Variants in PCNX2 observed in about 807,000 individuals in gnomAD.
The protein encoded by PCNX2 is pecanex 2.
PCNX2 carries 168 observed loss-of-function variants against 223.8 expected under a neutral mutation model. That is an observed-to-expected ratio of 0.75 (90% CI 0.66 to 0.85). The LOEUF is 0.85. Ranked by LOEUF, PCNX2 falls within the 40% of genes least tolerant of loss-of-function variation. PCNX2 has a pLI of 0.00. For synonymous variants in PCNX2, 1,006 were observed against 1,052.6 expected (o/e 0.96, Z 0.86); for missense variants, 2,507 against 2,675.5 (o/e 0.94, Z 1.39).
the PCNX2 span, among the ~76,000 whole-genome samples, chr1:233,306,114 C>T: frequency 2.0e-5 from 3 of 152,074 alleles, no homozygotes; most frequent in African/African-American, 7.2e-5. Flanking sequence ...TTTATTTGTA[C>T]TAATATCAGA....
At chr1:233,032,038 A>G (rs1172616227) in intron 25 of PCNX2, 1 of 982,592 alleles carries the variant, frequency 1.0e-6, no homozygotes, top group East Asian at 1.1e-4. Flanking sequence ...CTGTACATTA[A>G]TAATATAATT....
Position 233,139,896 on chromosome 1 carries a change from A to G in PCNX2, c.3518-41T>C. 1 of 1,593,006 alleles carries G rather than the reference A, an allele frequency of 6.3e-7. No homozygotes were observed. Among genetic ancestry groups the G allele is most frequent in the Non-Finnish European group, 8.5e-7 (1 of 1,170,890 alleles). ...AAACCACTTAGAACAACCACCGATC[A>G]AAGTATTTTTCTTTAAGTACAGGTA... On this transcript the variant is annotated intron_variant, in intron 19 of 33. Coordinates refer to ENST00000258229, the MANE Select transcript of PCNX2 (RefSeq NM_014801.4). The surrounding 1 kb of genome is among the most constrained non-coding windows in gnomAD (Gnocchi z 4.4).
In PCNX2 at chr1:233,135,175, C is replaced by T. The variant is rs762650009; in HGVS notation, c.3675G>A (p.Leu1225=). ...RRLGTHWDIF[L]MIIAGMKLLR... ...ACAGCTTCATGCCAGCAATGATCAT[C>T]AGAAAAATGTCCCAGCTGTTGGAAA... Residue 1225 remains leucine (L), a synonymous_variant, in exon 21 of 34, where the codon CTG becomes CTA. Transcript: ENST00000258229. The T allele has an allele frequency of 6.2e-7, 1 of 1,613,282 alleles. No homozygotes were observed. The highest frequency in any genetic ancestry group is 8.5e-7 in the Non-Finnish European group (1 of 1,179,644).
chr1:233,042,783 G>GAA lies in PCNX2; in HGVS notation c.4351+11483_4351+11484dup, dbSNP rs528254338. 5.0e-3 allele frequency among the ~76,000 whole-genome samples: 754 copies of GAA among 152,218 alleles called. 2 individuals are homozygous for GAA. Among genetic ancestry groups the GAA allele is most frequent in the Non-Finnish European group, 8.4e-3 (571 of 68,000 alleles). Reference sequence around the variant, plus strand: ...TAGAAAGTGAGGAGTTTTCCTAAGTGAAAAAAGATATGGAGTTTTCAAGGG... The same window carrying GAA: ...TAGAAAGTGAGGAGTTTTCCTAAGTGAAAAAAAAGATATGGAGTTTTCAAGGG... On this transcript the variant is annotated intron_variant, in intron 25 of 33. Coordinates refer to ENST00000258229, the MANE Select transcript of PCNX2 (RefSeq NM_014801.4).
intron 13 of PCNX2, among the ~76,000 whole-genome samples, chr1:233,205,352 T>C (rs1366668486): frequency 6.6e-6 from 1 of 152,212 alleles, no homozygotes; most frequent in African/African-American, 2.4e-5. Flanking sequence ...GACTTATGAA[T>C]GGGAAGTATT....
intron 8 of PCNX2, among the ~76,000 whole-genome samples, chr1:233,238,012 T>A (rs973665036): frequency 6.6e-5 from 10 of 152,204 alleles, no homozygotes; most frequent in African/African-American, 2.4e-4. Flanking sequence ...GATTCGTGAA[T>A]AATAAATACT....
intron 21 of PCNX2, among the ~76,000 whole-genome samples, chr1:233,115,947 A>C (rs1675383024): frequency 6.6e-6 from 1 of 152,198 alleles, no homozygotes; most frequent in Non-Finnish European, 1.5e-5. Flanking sequence ...AAGTATGAGA[A>C]AATGTGTATT....
intron 8 of PCNX2, among the ~76,000 whole-genome samples, chr1:233,244,282 C>T (rs977081402): frequency 1.3e-5 from 2 of 152,072 alleles, no homozygotes; most frequent in Admixed American, 6.5e-5. Flanking sequence ...CAGATAAGTC[C>T]GAGACAAAAC....
chr1:233,033,317 T>G (rs1396305394), intron 25 of PCNX2: 2 of 533,732 alleles, frequency 3.7e-6, no homozygotes, highest in Non-Finnish European at 4.8e-6. Flanking sequence ...GAAATTTAAG[T>G]GCAAATGAGA....
chr1:233,048,823 G>T (rs67899893), intron 25 of PCNX2, among the ~76,000 whole-genome samples: 29,224 of 151,986 alleles, frequency 0.19, 3,753 homozygotes, highest in African/African-American at 0.37. Context: ...TGACAAAGAT[G>T]ACATTACAAT....
chr1:233,302,031 G>A, the PCNX2 span, among the ~76,000 whole-genome samples: 1 of 151,902 alleles, frequency 6.6e-6, no homozygotes, highest in Non-Finnish European at 1.5e-5. Flanking sequence ...CCTGACCTCG[G>A]GTAATGCCCC....
chr1:233,305,472 GT>G, the PCNX2 span, among the ~76,000 whole-genome samples: 5 of 152,048 alleles, frequency 3.3e-5, no homozygotes, highest in East Asian at 5.8e-4. Context: ...TTGTGACAGG[GT>G]CTCACTCCAT....
intron 23 of PCNX2, among the ~76,000 whole-genome samples, chr1:233,080,376 T>A (rs1480290621): frequency 6.7e-6 from 1 of 149,380 alleles, no homozygotes; most frequent in Non-Finnish European, 1.5e-5. Flanking sequence ...AACAAGTCAT[T>A]TTCATCCATA....
rs565152023 is a variant in PCNX2 at position 233,265,432 on chromosome 1, A to C, written c.154-2269T>G. Among the ~76,000 whole-genome samples the C allele has an allele frequency of 9.7e-4, 148 of 152,234 alleles. 1 individual carries two copies. The highest frequency in any genetic ancestry group is 3.3e-3 in the African/African-American group (139 of 41,548). On this transcript the variant is annotated intron_variant, in intron 1 of 33. Coordinates refer to ENST00000258229, the MANE Select transcript of PCNX2 (RefSeq NM_014801.4). The stretch of plus-strand genomic sequence containing the variant: ...ATATGACTACTTTTGCCCAATGGAC[A>C]ATGAGCACAAGTGCTGGCTTAGACA...
intron 25 of PCNX2, among the ~76,000 whole-genome samples, chr1:233,043,947 G>A (rs1671737322): frequency 2.0e-5 from 3 of 148,144 alleles, no homozygotes; most frequent in East Asian, 2.0e-4. Flanking sequence ...TGGGTCAAAT[G>A]GTATTTCTAG....
At chr1:233,057,143 T>C (rs1327509049) in intron 24 of PCNX2, 89 bp downstream of exon 24, 9 of 1,104,634 alleles carry the variant, frequency 8.1e-6, no homozygotes, top group Non-Finnish European at 1.2e-5. Context: ...GTCTCCACAA[T>C]GAGTACAGAG....
chr1:233,107,086 G>C (rs1055619138), intron 21 of PCNX2, among the ~76,000 whole-genome samples: 4 of 151,988 alleles, frequency 2.6e-5, no homozygotes, highest in South Asian at 4.1e-4. Context: ...GAAAGTTTCT[G>C]TTATCTGCTT....
chr1:232,997,369 G>A (rs927405683), intron 32 of PCNX2, among the ~76,000 whole-genome samples: 1 of 152,070 alleles, frequency 6.6e-6, no homozygotes, highest in African/African-American at 2.4e-5. Flanking sequence ...CCTTGCTCTG[G>A]GCACTCCCAG....
At chr1:233,251,591 G>C (rs1301318267) in intron 7 of PCNX2, among the ~76,000 whole-genome samples, 1 of 152,146 alleles carries the variant, frequency 6.6e-6, no homozygotes, top group Admixed American at 6.5e-5. Flanking sequence ...CCCTGTGGAG[G>C]CTTTCATGTA....
Sources: gnomAD v4.1 joint callset for allele counts (sites outside exome capture counted in the v4.1 genomes callset) on GRCh38, gnomAD v4.1.1 for gene constraint, Gnocchi (gnomAD v3.1) non-coding constraint, MANE v1.5 for transcripts, NCBI Gene and HGNC (gene_info 2026-07-23, HGNC 2026-07-21) for gene names.